The following SLCO5A1 variants were observed in gnomAD, a reference collection of about 807,000 sequenced individuals.
The protein encoded by SLCO5A1 is solute carrier organic anion transporter family member 5A1.
Under a neutral mutation model 65.1 loss-of-function variants are expected in SLCO5A1, and 39 were observed. The ratio of observed to expected loss-of-function variants is 0.60; its 90% confidence interval spans 0.46 to 0.78. SLCO5A1 has a LOEUF of 0.78. Ranked by LOEUF, SLCO5A1 falls within the 30% of genes least tolerant of loss-of-function variation. The probability of loss-of-function intolerance (pLI) is 0.00; values close to 1 mark genes in which losing one functional copy is unlikely to be tolerated. For missense variants in SLCO5A1, 1,029 were observed against 1,069.4 expected, an observed-to-expected ratio of 0.96 and a Z score of 0.53; for synonymous variants, 438 against 415.7, an observed-to-expected ratio of 1.05 and a Z score of -0.65.
chr8:69,673,639 G>GA (rs1045594185), intron 9 of SLCO5A1, among the ~76,000 whole-genome samples: 3 of 151,908 alleles, frequency 2.0e-5, no homozygotes, highest in African/African-American at 7.2e-5. Flanking sequence ...CAATAAAGCT[G>GA]AAAAAAGGGG....
At chr8:69,756,927 T>A (rs1157429040) in intron 3 of SLCO5A1, among the ~76,000 whole-genome samples, 1 of 152,198 alleles carries the variant, frequency 6.6e-6, no homozygotes. Flanking sequence ...CTCCAAACTC[T>A]GCCATTCAAG....
Position 69,834,841 on chromosome 8 carries a change from C to T in SLCO5A1, c.-497+13G>A, listed in dbSNP as rs553091456. ...CGCCGCGCTGCCCGGGCGCTCAAGC[C>T]GCCGCTACTCACTAGCGAGTCTGTC... On this transcript the variant is annotated intron_variant, in intron 1 of 9. Coordinates refer to ENST00000260126, the MANE Select transcript of SLCO5A1 (RefSeq NM_030958.3). The T allele has an allele frequency of 3.9e-5, 6 of 153,402 alleles. No individual in the cohort carries two copies. The highest frequency in any genetic ancestry group is 7.2e-5 in the African/African-American group (3 of 41,564). The allele number at this position is 153,402 out of a possible 1,614,324, so 9.5% of individuals were successfully genotyped here. A position where few individuals can be genotyped will look rare whatever the true frequency, so the allele number is the denominator to read the frequency against.
At chr8:69,753,848 T>TA (rs71275012) in intron 4 of SLCO5A1, among the ~76,000 whole-genome samples, 29,605 of 143,362 alleles carry the variant, frequency 0.21, 3,321 homozygotes, top group African/African-American at 0.31. Flanking sequence ...CCATCTCTGC[T>TA]AAAAAAAAAA....
chr8:69,680,315 C>T (rs1453431187), intron 7 of SLCO5A1, among the ~76,000 whole-genome samples: 2 of 152,144 alleles, frequency 1.3e-5, no homozygotes, highest in African/African-American at 4.8e-5. Flanking sequence ...TCTCCAGTGT[C>T]TATTGTTTCC....
At chr8:69,762,408 G>A (rs191214706) in intron 2 of SLCO5A1, among the ~76,000 whole-genome samples, 6 of 151,848 alleles carry the variant, frequency 4.0e-5, no homozygotes, top group Non-Finnish European at 8.8e-5. Flanking sequence ...GGATGGTCTC[G>A]ATCTCCTGAC....
At chr8:69,784,888 AAG>A in intron 2 of SLCO5A1, among the ~76,000 whole-genome samples, 1 of 119,344 alleles carries the variant, frequency 8.4e-6, no homozygotes, top group African/African-American at 3.4e-5. Flanking sequence ...AGAAAGAAAG[AAG>A]AAAGGAAGAA....
In SLCO5A1 at chr8:69,799,951, A is replaced by AT. The variant is rs966362937; in HGVS notation, c.907+31815dup. 2.9e-3 allele frequency among the ~76,000 whole-genome samples: 447 copies of AT among 152,182 alleles called. 3 individuals are homozygous for AT. The highest frequency in any genetic ancestry group is 0.011 in the African/African-American group (442 of 41,528). On this transcript the variant is annotated intron_variant, in intron 2 of 9. Coordinates refer to ENST00000260126, the MANE Select transcript of SLCO5A1 (RefSeq NM_030958.3). ...ATTTTTCTTATTTACTATGGATTTC[A>AT]TTTTTTATTTTTCAAATTAGATAAT...
intron 2 of SLCO5A1, among the ~76,000 whole-genome samples, chr8:69,821,254 G>A (rs1820624815): frequency 6.6e-6 from 1 of 152,108 alleles, no homozygotes; most frequent in Non-Finnish European, 1.5e-5. Flanking sequence ...AGCTACTCGG[G>A]AAGCTGAGGC....
chr8:69,694,108 T>C (rs916191142), intron 6 of SLCO5A1, among the ~76,000 whole-genome samples: 1 of 152,156 alleles, frequency 6.6e-6, no homozygotes, highest in Non-Finnish European at 1.5e-5. Flanking sequence ...ACATCCCCAA[T>C]AGCTCATTCA....
chr8:69,674,740 GCC>G (rs1483004351), intron 9 of SLCO5A1, among the ~76,000 whole-genome samples: 1 of 151,918 alleles, frequency 6.6e-6, no homozygotes, highest in African/African-American at 2.4e-5. Context: ...TCTTTTTCTG[GCC>G]AGGCATTGTG....
intron 2 of SLCO5A1, among the ~76,000 whole-genome samples, chr8:69,814,774 C>T (rs760717169): frequency 6.6e-6 from 1 of 151,948 alleles, no homozygotes; most frequent in African/African-American, 2.4e-5. Context: ...GGAATTAGCC[C>T]GTGTCCATCA....
chr8:69,776,697 C>A (rs939825586), intron 2 of SLCO5A1, among the ~76,000 whole-genome samples: 2 of 151,786 alleles, frequency 1.3e-5, no homozygotes, highest in African/African-American at 2.4e-5. Flanking sequence ...CTCAAAAAAA[C>A]AAACCAACCA....
intron 2 of SLCO5A1, among the ~76,000 whole-genome samples, chr8:69,779,914 G>C (rs1344597652): frequency 6.6e-6 from 1 of 151,968 alleles, no homozygotes; most frequent in Non-Finnish European, 1.5e-5. Flanking sequence ...ATATACAACA[G>C]GGGACTGATA....
At chr8:69,769,291 CT>C (rs912383643) in intron 2 of SLCO5A1, among the ~76,000 whole-genome samples, 4 of 150,754 alleles carry the variant, frequency 2.7e-5, no homozygotes, top group Non-Finnish European at 5.9e-5. Flanking sequence ...CCATTCATCA[CT>C]TTTTTCCATC....
At chr8:69,795,970 T>C (rs1184778080) in intron 2 of SLCO5A1, among the ~76,000 whole-genome samples, 1 of 152,174 alleles carries the variant, frequency 6.6e-6, no homozygotes, top group Non-Finnish European at 1.5e-5. Context: ...GCCCAAACTG[T>C]ACCTGGGACT....
chr8:69,739,076 G>C (rs1017886829), intron 4 of SLCO5A1, among the ~76,000 whole-genome samples: 2 of 152,118 alleles, frequency 1.3e-5, no homozygotes, highest in Non-Finnish European at 2.9e-5. Flanking sequence ...AAATAGAGCT[G>C]TATGTACTGG....
At position 69,750,246 on chromosome 8, in the gene SLCO5A1, G is replaced by C. The variant is rs1427372145; in HGVS notation, c.1258+5178C>G. Among the ~76,000 whole-genome samples the C allele has an allele frequency of 7.9e-5, 12 of 152,156 alleles. No homozygotes were observed. The East Asian group carries it at 1.9e-3, about 24-fold the overall frequency. On this transcript the variant is annotated intron_variant, in intron 4 of 9. Transcript: ENST00000260126. ...TGCTGAAGGGAAGGCAGGTAGAAAG[G>C]GGGCAAGGGTCGATGCAGCAGGGCC...
chr8:69,708,695 G>C (rs1162307253), intron 5 of SLCO5A1, among the ~76,000 whole-genome samples: 2 of 152,082 alleles, frequency 1.3e-5, no homozygotes, highest in Admixed American at 6.5e-5. Flanking sequence ...TTTGAGGTCA[G>C]GAGTTCGAGA....
At chr8:69,673,603 T>C (rs1194057633) in intron 9 of SLCO5A1, among the ~76,000 whole-genome samples, 1 of 152,176 alleles carries the variant, frequency 6.6e-6, no homozygotes, top group Non-Finnish European at 1.5e-5. Flanking sequence ...TTTAAATATA[T>C]ACAATTGTAT....
Sources: allele counts gnomAD v4.1 joint callset (sites outside exome capture counted in the v4.1 genomes callset), GRCh38; gene constraint gnomAD v4.1.1; transcripts MANE v1.5; gene names NCBI Gene and HGNC (gene_info 2026-07-23, HGNC 2026-07-21).